The following CCNY variants were observed in gnomAD, a reference collection of about 807,000 sequenced individuals.
The protein encoded by CCNY is cyclin Y.
CCNY carries 19 observed loss-of-function variants against 42.8 expected under a neutral mutation model. The observed-to-expected ratio is 0.44, with a 90% CI of 0.31 to 0.65. CCNY has a LOEUF of 0.65. Among genes scored for constraint, CCNY ranks in the 30% least tolerant of loss-of-function variants. CCNY has a pLI of 0.07. For synonymous variants in CCNY, 165 were observed against 162.7 expected, an observed-to-expected ratio of 1.01 and a Z score of -0.11; for missense variants, 370 against 437.3, an observed-to-expected ratio of 0.85 and a Z score of 1.37.
intron 1 of CCNY, among the ~76,000 whole-genome samples, chr10:35,390,301 G>A (rs1837387509): frequency 6.6e-6 from 1 of 152,234 alleles, no homozygotes; most frequent in Admixed American, 6.5e-5. Context: ...AGGATGCCTG[G>A]TGTGCCAGCA....
chr10:35,512,742 G>A (rs1339492516), intron 3 of CCNY, among the ~76,000 whole-genome samples: 5 of 152,100 alleles, frequency 3.3e-5, no homozygotes, highest in African/African-American at 4.8e-5. Flanking sequence ...TTGAGGGGAC[G>A]CTGTCTGGTG....
intron 5 of CCNY, 31 bp downstream of exon 5, chr10:35,526,030 A>G (rs746972526): frequency 4.4e-6 from 7 of 1,583,754 alleles, no homozygotes; most frequent in Non-Finnish European, 6.1e-6. Flanking sequence ...TAAAAACATC[A>G]TACGTTATCT....
At chr10:35,338,742 A>G (rs561495114) in intron 1 of CCNY, among the ~76,000 whole-genome samples, 12 of 152,326 alleles carry the variant, frequency 7.9e-5, no homozygotes, top group Admixed American at 2.0e-4. Context: ...ATGTGCAGTA[A>G]ATTTCCTTTT....
chr10:35,355,706 A>G (rs893290197), intron 1 of CCNY, among the ~76,000 whole-genome samples: 4 of 147,526 alleles, frequency 2.7e-5, no homozygotes, highest in Non-Finnish European at 6.0e-5. Flanking sequence ...AAAAAAAAAA[A>G]GAGGAATGTT....
At chr10:35,336,064 C>A (rs552647632), upstream of CCNY, 1 of 152,332 alleles carries the variant, frequency 6.6e-6, no homozygotes, top group South Asian at 2.1e-4. Context: ...GGCGACAGAG[C>A]GAAATCATAC....
chr10:35,291,417 A>C (rs951285335), intron 3 of CCNY, among the ~76,000 whole-genome samples: 1 of 151,624 alleles, frequency 6.6e-6, no homozygotes, highest in Non-Finnish European at 1.5e-5. Flanking sequence ...ACAATATTCC[A>C]TTGTATCAAC....
At chr10:35,410,771 ACTGCAT>A (rs1589102042) in intron 1 of CCNY, among the ~76,000 whole-genome samples, 1 of 152,202 alleles carries the variant, frequency 6.6e-6, no homozygotes, top group East Asian at 1.9e-4. Flanking sequence ...TGCTTCTCAA[ACTGCAT>A]CTGCATCAGT....
At chr10:35,451,234 TTTTACAAAAACAAG>T (rs1196830443) in intron 1 of CCNY, among the ~76,000 whole-genome samples, 1 of 152,166 alleles carries the variant, frequency 6.6e-6, no homozygotes, top group Non-Finnish European at 1.5e-5. Flanking sequence ...CTTCCCCCTT[TTTTACAAAAACAAG>T]TTAAGAGTCA....
intron 3 of CCNY, among the ~76,000 whole-genome samples, chr10:35,258,251 T>C (rs2095716978): frequency 6.6e-6 from 1 of 152,234 alleles, no homozygotes; most frequent in Admixed American, 6.5e-5. Context: ...GTTGTTATTG[T>C]TAACAACTGC....
chr10:35,340,124 A>T (rs1836144024), intron 1 of CCNY, among the ~76,000 whole-genome samples: 1 of 152,214 alleles, frequency 6.6e-6, no homozygotes, highest in African/African-American at 2.4e-5. Flanking sequence ...TATTACCCTT[A>T]CTTTAAGACA....
chr10:35,427,758 G>C (rs1404191669), intron 1 of CCNY, among the ~76,000 whole-genome samples: 2 of 152,216 alleles, frequency 1.3e-5, no homozygotes, highest in Non-Finnish European at 2.9e-5. Context: ...ATGTCTGTGG[G>C]AGCCTATCAG....
intron 3 of CCNY, among the ~76,000 whole-genome samples, chr10:35,325,285 T>C (rs1029741201): frequency 1.3e-5 from 2 of 152,000 alleles, no homozygotes; most frequent in Non-Finnish European, 2.9e-5. Context: ...TTCAAGCAAT[T>C]CTTGTGCCTC....
At chr10:35,253,273 A>G (rs2095713194) in intron 3 of CCNY, among the ~76,000 whole-genome samples, 1 of 152,092 alleles carries the variant, frequency 6.6e-6, no homozygotes, top group Non-Finnish European at 1.5e-5. Flanking sequence ...TTTTTGGGAT[A>G]GGATCTCACT....
At chr10:35,543,502 G>A (rs906325155) in intron 7 of CCNY, among the ~76,000 whole-genome samples, 4 of 152,116 alleles carry the variant, frequency 2.6e-5, no homozygotes, top group African/African-American at 4.8e-5. Flanking sequence ...GCCTAGTGAC[G>A]TCATAACATC....
chr10:35,365,345 T>G (rs1836787153), intron 1 of CCNY, among the ~76,000 whole-genome samples: 1 of 152,244 alleles, frequency 6.6e-6, no homozygotes. Context: ...AAAAAGTGGT[T>G]GCTGTTTTTA....
At chr10:35,557,775 T>C (rs1002437501) in intron 8 of CCNY, among the ~76,000 whole-genome samples, 9 of 152,014 alleles carry the variant, frequency 5.9e-5, no homozygotes, top group African/African-American at 2.2e-4. Context: ...AAAAAGTCAG[T>C]ATAAATTATT....
intron 1 of CCNY, among the ~76,000 whole-genome samples, chr10:35,355,236 A>AAG (rs1407107608): frequency 3.9e-5 from 6 of 152,220 alleles, no homozygotes; most frequent in African/African-American, 1.4e-4. Context: ...AATTTCAGAG[A>AAG]AGAGCATTTG....
At chr10:35,528,805 T>A (rs965792452) in intron 5 of CCNY, among the ~76,000 whole-genome samples, 2 of 152,218 alleles carry the variant, frequency 1.3e-5, no homozygotes, top group African/African-American at 2.4e-5. Flanking sequence ...CTCTTTTATT[T>A]TTACACAGAT....
At chr10:35,488,510 C>T (rs1347133193) in intron 2 of CCNY, among the ~76,000 whole-genome samples, 1 of 152,078 alleles carries the variant, frequency 6.6e-6, no homozygotes, top group Non-Finnish European at 1.5e-5. Flanking sequence ...GCTGGGGTGC[C>T]CCTTTCTCCA....
Sources: gnomAD v4.1 joint callset for allele counts (sites outside exome capture counted in the v4.1 genomes callset) on GRCh38, gnomAD v4.1.1 for gene constraint, MANE v1.5 for transcripts, NCBI Gene and HGNC (gene_info 2026-07-23, HGNC 2026-07-21) for gene names.